FRAS1: variants seen among roughly 807,000 people sequenced by gnomAD.
The protein encoded by FRAS1 is Fraser extracellular matrix complex subunit 1.
In FRAS1, 290 loss-of-function variants were observed where a neutral mutation model predicts 435.2. That is an observed-to-expected ratio of 0.67 (90% CI 0.61 to 0.73). The LOEUF (loss-of-function observed/expected upper bound fraction) is 0.73. Among genes scored for constraint, FRAS1 ranks in the 30% least tolerant of loss-of-function variants. The pLI is 0.00. For missense variants in FRAS1, 4,860 were observed against 5,001.5 expected (o/e 0.97, Z 0.85); for synonymous variants, 1,800 against 1,851.0 (o/e 0.97, Z 0.71).
At chr4:78,078,766 C>A (rs1279906890) in intron 2 of FRAS1, among the ~76,000 whole-genome samples, 1 of 152,020 alleles carries the variant, frequency 6.6e-6, no homozygotes, top group Non-Finnish European at 1.5e-5. Flanking sequence ...AGAGAGTTTA[C>A]ATAAGAGAAA....
chr4:78,475,620 TG>T lies in FRAS1; in HGVS notation c.7851+18del. 6.5e-7 allele frequency: 1 copy of T among 1,539,210 alleles called. No homozygotes were observed. The highest frequency in any genetic ancestry group is 8.8e-7 in the Non-Finnish European group (1 of 1,135,708). ...TATGCTGGCCAGGTAGGTGGGGTAG[TG>T]GGGTTGGGGGAGGCTCCAGCAAGGG... is the stretch of plus-strand genomic sequence containing the variant. On this transcript the variant is annotated intron_variant, in intron 54 of 73. Coordinates refer to ENST00000512123, the MANE Select transcript of FRAS1 (RefSeq NM_025074.7).
In FRAS1 at chr4:78,534,593, T is replaced by G; in HGVS notation, c.11070T>G (p.Asp3690Glu). 1 of 1,613,098 alleles carries G rather than the reference T, an allele frequency of 6.2e-7. No individual in the cohort carries two copies. The highest frequency in any genetic ancestry group is 8.5e-7 in the Non-Finnish European group (1 of 1,179,398). ...CTGATATGTCACTAGCAGAAATGGA[T>G]TACAAAGGAGCCTTTTCAAAAGGTG... ...NTSDMSLAEM[D>E]YKGAFSKGQI... is the part of the protein sequence containing the mutation. The change falls in exon 71 of 74, where the codon GAT becomes GAG. Residue 3690 changes from aspartate (D) to glutamate (E), a missense_variant. Asp to Glu is a conservative substitution (Grantham distance 45). Coordinates refer to ENST00000512123, the MANE Select transcript of FRAS1 (RefSeq NM_025074.7).
intron 32 of FRAS1, among the ~76,000 whole-genome samples, chr4:78,413,334 A>C (rs1733424705): frequency 1.3e-5 from 2 of 152,234 alleles, no homozygotes; most frequent in Admixed American, 6.5e-5. Context: ...TTTCTACAGT[A>C]TTCCAGATGT....
At chr4:78,396,753 A>T (rs534519492) in intron 29 of FRAS1, among the ~76,000 whole-genome samples, 8 of 152,168 alleles carry the variant, frequency 5.3e-5, no homozygotes, top group Non-Finnish European at 1.0e-4. Context: ...GTTTCAAATG[A>T]TCTGTCTTTT....
chr4:78,142,530 C>T (rs2867004), intron 2 of FRAS1, among the ~76,000 whole-genome samples: 24,549 of 151,894 alleles, frequency 0.16, 2,186 homozygotes, highest in Admixed American at 0.2. Context: ...AGATAATGAA[C>T]GGAGTTATCA....
At chr4:78,466,003 G>A (rs1442823277) in intron 49 of FRAS1, among the ~76,000 whole-genome samples, 1 of 152,204 alleles carries the variant, frequency 6.6e-6, no homozygotes, top group African/African-American at 2.4e-5. Context: ...TCTTACAACT[G>A]AAGGTACCAG....
chr4:78,197,161 T>A (rs574652273), intron 2 of FRAS1, among the ~76,000 whole-genome samples: 1 of 152,176 alleles, frequency 6.6e-6, no homozygotes, highest in Non-Finnish European at 1.5e-5. Flanking sequence ...CTATAGTTAT[T>A]TTGGGTCTAC....
intron 2 of FRAS1, among the ~76,000 whole-genome samples, chr4:78,163,757 CTCCAG>C (rs1344504583): frequency 6.6e-6 from 1 of 152,194 alleles, no homozygotes. Context: ...TCCTTCATAG[CTCCAG>C]TGTTGAAAAA....
intron 38 of FRAS1, among the ~76,000 whole-genome samples, chr4:78,435,263 C>G (rs1734371957): frequency 6.6e-6 from 1 of 152,106 alleles, no homozygotes; most frequent in Non-Finnish European, 1.5e-5. Flanking sequence ...AAGCCCCTTT[C>G]TCAAAAACAA....
intron 47 of FRAS1, among the ~76,000 whole-genome samples, chr4:78,458,196 C>T (rs892623841): frequency 2.0e-5 from 3 of 152,166 alleles, no homozygotes; most frequent in Non-Finnish European, 4.4e-5. Context: ...CATGCATCCT[C>T]AGCCCACTCA....
intron 58 of FRAS1, among the ~76,000 whole-genome samples, chr4:78,484,282 ACTCAC>A (rs1720105255): frequency 6.6e-6 from 1 of 152,014 alleles, no homozygotes; most frequent in Admixed American, 6.6e-5. Context: ...CCATTTGTTT[ACTCAC>A]CTATTGAATG....
At chr4:78,367,702 T>A (rs927935013) in intron 22 of FRAS1, among the ~76,000 whole-genome samples, 13 of 152,198 alleles carry the variant, frequency 8.5e-5, no homozygotes, top group African/African-American at 3.1e-4. Flanking sequence ...TTTGTACAGT[T>A]GGTTTTAGAA....
intron 2 of FRAS1, among the ~76,000 whole-genome samples, chr4:78,191,548 TTA>T (rs1261918473): frequency 6.6e-6 from 1 of 151,564 alleles, no homozygotes; most frequent in Non-Finnish European, 1.5e-5. Context: ...TTTTTTTTTT[TTA>T]ATTATTATAC....
intron 2 of FRAS1, among the ~76,000 whole-genome samples, chr4:78,139,862 G>T (rs761893817): frequency 2.6e-5 from 4 of 152,184 alleles, no homozygotes; most frequent in Non-Finnish European, 5.9e-5. Flanking sequence ...TACTGGCTGA[G>T]ACTTGCTATC....
In FRAS1 at chr4:78,516,013, G is replaced by A. The variant is rs757163658; in HGVS notation, c.10389G>A (p.Gln3463=). 2.2e-5 allele frequency: 36 copies of A among 1,611,674 alleles called. No individual in the cohort carries two copies. In the Admixed American group the frequency reaches 5.7e-4, roughly 25 times the overall value. ...VCGGSVTADF[Q]VRDSAQSFLT... Reference sequence around the variant, plus strand: ...GGGGCTCTGTAACCGCTGACTTCCAGGTAGGTGCCCCGGGGCTTGTCTGAG... The same window carrying A: ...GGGGCTCTGTAACCGCTGACTTCCAAGTAGGTGCCCCGGGGCTTGTCTGAG... Residue 3463 remains glutamine (Q), a splice_region_variant and synonymous_variant, in exon 66 of 74, where the codon CAG becomes CAA. Transcript: ENST00000512123.
chr4:78,133,160 T>C (rs1011486211), intron 2 of FRAS1, among the ~76,000 whole-genome samples: 3 of 152,212 alleles, frequency 2.0e-5, no homozygotes, highest in African/African-American at 4.8e-5. Context: ...TTGGTACTTA[T>C]ACAAAGTGGA....
chr4:78,417,054 T>A (rs1466107237), intron 32 of FRAS1, among the ~76,000 whole-genome samples: 1 of 152,248 alleles, frequency 6.6e-6, no homozygotes, highest in African/African-American at 2.4e-5. Context: ...CATTTCTTAC[T>A]ATGTTTAATT....
At chr4:78,150,077 T>C (rs1290371738) in intron 2 of FRAS1, among the ~76,000 whole-genome samples, 1 of 152,214 alleles carries the variant, frequency 6.6e-6, no homozygotes, top group Non-Finnish European at 1.5e-5. Context: ...AGGTCAATAA[T>C]GCTGCTCGTT....
At chr4:78,345,616 C>G (rs1050666861) in intron 20 of FRAS1, among the ~76,000 whole-genome samples, 1 of 151,386 alleles carries the variant, frequency 6.6e-6, no homozygotes, top group African/African-American at 2.4e-5. Flanking sequence ...TTTTGTAATG[C>G]ACTTTCTTTT....
Sources: allele counts gnomAD v4.1 joint callset (sites outside exome capture counted in the v4.1 genomes callset), GRCh38; gene constraint gnomAD v4.1.1; transcripts MANE v1.5; gene names NCBI Gene and HGNC (gene_info 2026-07-23, HGNC 2026-07-21).